RFC1: variants seen among roughly 807,000 people sequenced by gnomAD.
RFC1 encodes the protein replication factor C subunit 1.
In RFC1, 37 loss-of-function variants were observed where a neutral mutation model predicts 137.4. That is an observed-to-expected ratio of 0.27 (90% CI 0.21 to 0.35). The LOEUF is 0.35. RFC1 is among the 10% of genes least tolerant of loss of function. RFC1 has a pLI of 1.00. For synonymous variants in RFC1, 429 were observed against 455.7 expected (o/e 0.94, Z 0.75); for missense variants, 1,205 against 1,358.5 (o/e 0.89, Z 1.78).
At position 39,312,647 on chromosome 4, in the gene RFC1, T is replaced by C. The variant is rs17335097; in HGVS notation, c.1383+105A>G. On this transcript the variant is annotated intron_variant, in intron 11 of 24. Transcript: ENST00000349703. ...AATAATGTAGGCAAGAAATTACTTT[T>C]CTATTTCTTTCCTTCATTTAACTCT... 8.9e-4 allele frequency: 895 copies of C among 1,005,746 alleles called. 6 individuals are homozygous for C. In the African/African-American group the frequency reaches 0.012, roughly 13 times the overall value. The allele number at this position is 1,005,746 out of a possible 1,614,324, so 62.3% of individuals were successfully genotyped here. A position where few individuals can be genotyped will look rare whatever the true frequency, so the allele number is the denominator to read the frequency against.
intron 13 of RFC1, 120 bp from the exon 14 acceptor site, chr4:39,306,821 A>C (rs1245659434): frequency 1.5e-6 from 1 of 648,624 alleles, no homozygotes; most frequent in Non-Finnish European, 2.8e-6. Context: ...TTAGTTCTAA[A>C]TTTGCAGACT....
intron 21 of RFC1, among the ~76,000 whole-genome samples, chr4:39,299,720 C>T (rs1230078460): frequency 2.0e-5 from 3 of 151,534 alleles, no homozygotes; most frequent in East Asian, 3.9e-4. Flanking sequence ...TATATTTTTG[C>T]CACAAGAGCC....
intron 14 of RFC1, 47 bp downstream of exon 14, chr4:39,306,545 G>T: frequency 9.8e-7 from 1 of 1,018,776 alleles, no homozygotes; most frequent in South Asian, 1.3e-5. Flanking sequence ...TCCTAGCCAT[G>T]ACCACTCGAG....
chr4:39,288,590 G>GC lies in RFC1; in HGVS notation c.*170dup. 1 of 597,832 alleles carries GC rather than the reference G, an allele frequency of 1.7e-6. No homozygotes were observed. The highest frequency in any genetic ancestry group is 2.6e-4 in the Middle Eastern group (1 of 3,778). The allele number at this position is 597,832 out of a possible 1,614,324, so 37.0% of individuals were successfully genotyped here. On this transcript the variant is annotated 3_prime_UTR_variant, in exon 25 of 25. Transcript: ENST00000349703. Reference sequence around the variant, plus strand: ...CAACCTCTATAAGAGGTGTACATAAGCCTACTGCTCATACCCTTCTAGCCA... The same window carrying GC: ...CAACCTCTATAAGAGGTGTACATAAGCCCTACTGCTCATACCCTTCTAGCCA...
At chr4:39,326,517 A>T (rs2109683765) in intron 6 of RFC1, 46 bp downstream of exon 6, 1 of 1,483,008 alleles carries the variant, frequency 6.7e-7, no homozygotes, top group Non-Finnish European at 9.4e-7. Flanking sequence ...CTAAATAGCT[A>T]GTCAGAATAT....
rs775867828 is a variant in RFC1, at chr4:39,303,048, C to T, written c.2202+12G>A. The stretch of plus-strand genomic sequence containing the variant: ...CAACAGTGAAACTGCAAAAATACAG[C>T]ACTTGAATTACCTGAATTCCTCCCC... On this transcript the variant is annotated intron_variant, in intron 16 of 24. Coordinates refer to ENST00000349703, the MANE Select transcript of RFC1 (RefSeq NM_002913.5). 1 of 1,591,600 alleles carries T rather than the reference C, an allele frequency of 6.3e-7. No individual in the cohort carries two copies. Among genetic ancestry groups the T allele is most frequent in the Non-Finnish European group, 8.6e-7 (1 of 1,159,500 alleles).
At chr4:39,289,724 G>A in intron 24 of RFC1, 124 bp downstream of exon 24, 5 of 689,790 alleles carry the variant, frequency 7.2e-6, no homozygotes, top group Non-Finnish European at 1.0e-5. Context: ...CAACCATGAT[G>A]AACAAAAAAA....
intron 19 of RFC1, among the ~76,000 whole-genome samples, chr4:39,300,807 G>C (rs1365719561): frequency 1.3e-5 from 2 of 151,996 alleles, no homozygotes; most frequent in African/African-American, 2.4e-5. Flanking sequence ...GAAAAGACAT[G>C]GGGGGGCAGG....
chr4:39,366,259 G>A lies in RFC1; in HGVS notation c.-18C>T. Reference sequence around the variant, plus strand: ...CTCACCATCGCAGCCCCAGGATGAAGGCGCTGGCTGGCTGGCGGGTGGGCC... The same window carrying A: ...CTCACCATCGCAGCCCCAGGATGAAAGCGCTGGCTGGCTGGCGGGTGGGCC... On this transcript the variant is annotated 5_prime_UTR_variant, in exon 1 of 25. Transcript: ENST00000349703. The A allele has an allele frequency of 1.3e-6, 2 of 1,537,604 alleles. No individual in the cohort carries two copies. The highest frequency in any genetic ancestry group is 2.4e-5 in the South Asian group (2 of 83,252).
chr4:39,315,908 A>C (rs529121929), intron 10 of RFC1, among the ~76,000 whole-genome samples: 3 of 152,134 alleles, frequency 2.0e-5, no homozygotes, highest in African/African-American at 7.2e-5. Context: ...TCAGAAATTC[A>C]AATCTGGTCA....
In RFC1 at chr4:39,331,672, T is replaced by C. The variant is rs551107656; in HGVS notation, c.332-3916A>G. Reference sequence around the variant, plus strand: ...TATAAAAAATATCTATATTTGCTCATAGAAATATATTCATATGTTTACTAG... The same window carrying C: ...TATAAAAAATATCTATATTTGCTCACAGAAATATATTCATATGTTTACTAG... On this transcript the variant is annotated intron_variant, in intron 4 of 24. Coordinates refer to ENST00000349703, the MANE Select transcript of RFC1 (RefSeq NM_002913.5). 3.9e-5 allele frequency among the ~76,000 whole-genome samples: 6 copies of C among 152,360 alleles called. No homozygotes were observed. In the South Asian group the frequency reaches 1.2e-3, roughly 32 times the overall value.
chr4:39,295,525 A>G, intron 22 of RFC1, 89 bp downstream of exon 22: 1 of 1,141,906 alleles, frequency 8.8e-7, no homozygotes, highest in Non-Finnish European at 1.2e-6. Context: ...AAACTAAAAC[A>G]CAAATCTTTT....
intron 4 of RFC1, among the ~76,000 whole-genome samples, chr4:39,338,826 AACTAT>A (rs1428747380): frequency 6.6e-6 from 1 of 152,186 alleles, no homozygotes; most frequent in Non-Finnish European, 1.5e-5. Flanking sequence ...CAACTTTATT[AACTAT>A]AGTCCTCATG....
In RFC1 at chr4:39,308,937, C is replaced by G; in HGVS notation, c.1584G>C (p.Lys528Asn). The G allele has an allele frequency of 4.3e-6, 7 of 1,614,048 alleles. No individual in the cohort carries two copies. The highest frequency in any genetic ancestry group is 5.9e-6 in the Non-Finnish European group (7 of 1,180,016). Residue 528 changes from lysine (K) to asparagine (N), a missense_variant, in exon 13 of 25, where the codon AAG becomes AAC. Transcript: ENST00000349703. ...SPSKKESESKKSRPTSKRDSL... is the reference protein window; with the variant it reads ...SPSKKESESKNSRPTSKRDSL... ...TGTCCCTTTTGGAAGTCGGCCTGCT[C>G]TTTTTAGATTCTGATTCCTTTTTAG...
At chr4:39,305,796 T>A (rs1237957987) in intron 14 of RFC1, among the ~76,000 whole-genome samples, 1 of 151,986 alleles carries the variant, frequency 6.6e-6, no homozygotes, top group Non-Finnish European at 1.5e-5. Flanking sequence ...AATATAATGA[T>A]AATAATAAAG....
intron 22 of RFC1, among the ~76,000 whole-genome samples, chr4:39,294,781 T>C (rs1248959999): frequency 6.6e-6 from 1 of 152,044 alleles, no homozygotes; most frequent in African/African-American, 2.4e-5. Flanking sequence ...GGCAGGCAGA[T>C]TACTTGAGGA....
At position 39,345,432 on chromosome 4, in the gene RFC1, T is replaced by C. The variant is rs1425913141; in HGVS notation, c.177A>G (p.Pro59=). 6.2e-7 allele frequency: 1 copy of C among 1,613,882 alleles called. No individual in the cohort carries two copies. The highest frequency in any genetic ancestry group is 8.5e-7 in the Non-Finnish European group (1 of 1,179,948). ...RKEDDFKQKQ[P]SKKKRIIYDS... ...CATAGATGATCCTCTTTTTCTTGCT[T>C]GGTTGCTTTTGTTTGAAGTCATCCT... The change falls in exon 3 of 25, where the codon CCA becomes CCG. Residue 59 remains proline, a synonymous_variant. Coordinates refer to ENST00000349703, the MANE Select transcript of RFC1 (RefSeq NM_002913.5).
At chr4:39,301,656 A>G (rs1364666384) in intron 19 of RFC1, among the ~76,000 whole-genome samples, 1 of 152,152 alleles carries the variant, frequency 6.6e-6, no homozygotes, top group Non-Finnish European at 1.5e-5. Flanking sequence ...CTAAAAAATA[A>G]AGCGTATAGG....
At chr4:39,313,982 T>C (rs1484702461) in intron 10 of RFC1, among the ~76,000 whole-genome samples, 2 of 152,218 alleles carry the variant, frequency 1.3e-5, no homozygotes, top group Non-Finnish European at 2.9e-5. Flanking sequence ...AATAAAATTA[T>C]ACAACCAAAC....
Sources: gnomAD v4.1 joint callset for allele counts (sites outside exome capture counted in the v4.1 genomes callset) on GRCh38, gnomAD v4.1.1 for gene constraint, MANE v1.5 for transcripts, NCBI Gene and HGNC (gene_info 2026-07-23, HGNC 2026-07-21) for gene names.